CAMK2D: variants seen among roughly 807,000 people sequenced by gnomAD.
The protein encoded by CAMK2D is calcium/calmodulin dependent protein kinase II delta.
Under a neutral mutation model 84.0 loss-of-function variants are expected in CAMK2D, and 37 were observed. The observed-to-expected ratio is 0.44, with a 90% CI of 0.34 to 0.58. The LOEUF (loss-of-function observed/expected upper bound fraction) is 0.58. Among genes scored for constraint, CAMK2D ranks in the 20% least tolerant of loss-of-function variants. The pLI, the probability that CAMK2D is intolerant of heterozygous loss-of-function variation, is 0.02. For missense variants in CAMK2D, 448 were observed against 652.5 expected (o/e 0.69, Z 3.41); for synonymous variants, 202 against 212.5 (o/e 0.95, Z 0.43).
intron 13 of CAMK2D, among the ~76,000 whole-genome samples, chr4:113,509,247 G>C (rs766433814): frequency 6.6e-6 from 1 of 152,084 alleles, no homozygotes; most frequent in Non-Finnish European, 1.5e-5. Context: ...GTATTTTTCA[G>C]GCTATATATT....
intron 8 of CAMK2D, among the ~76,000 whole-genome samples, chr4:113,526,442 G>GCA (rs2098418326): frequency 2.6e-5 from 4 of 152,008 alleles, no homozygotes; most frequent in African/African-American, 9.7e-5. Flanking sequence ...GTGTGTGTGT[G>GCA]TGCATGCATG....
chr4:113,493,933 A>C (rs191563103), intron 16 of CAMK2D, among the ~76,000 whole-genome samples: 1 of 152,040 alleles, frequency 6.6e-6, no homozygotes, highest in Non-Finnish European at 1.5e-5. Context: ...AGTTGATCGC[A>C]TCGGCTCCTG....
At chr4:113,492,562 C>G (rs1479281183) in intron 16 of CAMK2D, among the ~76,000 whole-genome samples, 5 of 151,844 alleles carry the variant, frequency 3.3e-5, no homozygotes, top group African/African-American at 4.8e-5. Context: ...TCACTTCCAA[C>G]TATGTGGTCA....
At chr4:113,481,623 G>T (rs2097702255) in intron 16 of CAMK2D, among the ~76,000 whole-genome samples, 1 of 152,076 alleles carries the variant, frequency 6.6e-6, no homozygotes, top group South Asian at 2.1e-4. Flanking sequence ...GAGATTACAG[G>T]CATGCACCAC....
chr4:113,749,682 C>A (rs2099612789), intron 2 of CAMK2D, among the ~76,000 whole-genome samples: 1 of 151,940 alleles, frequency 6.6e-6, no homozygotes, highest in South Asian at 2.1e-4. Context: ...ACACACAGAC[C>A]ATGAAAATGT....
intron 2 of CAMK2D, among the ~76,000 whole-genome samples, chr4:113,688,910 C>CAAAAAAAAAAAAAAAAAAAAAAGAAAAA (rs2099369026): frequency 2.0e-5 from 1 of 49,716 alleles, no homozygotes; most frequent in African/African-American, 7.6e-5. Flanking sequence ...AAAGAAGATG[C>CAAAAAAAAAAAAAAAAAAAAAAGAAAAA]AAAAAAAAAA....
intron 7 of CAMK2D, among the ~76,000 whole-genome samples, chr4:113,532,673 T>C (rs984786773): frequency 3.3e-5 from 5 of 152,226 alleles, no homozygotes; most frequent in African/African-American, 4.8e-5. Flanking sequence ...TCGATGCTAA[T>C]GTCCAGATTA....
chr4:113,618,897 C>T (rs1332539709), intron 3 of CAMK2D, among the ~76,000 whole-genome samples: 5 of 152,008 alleles, frequency 3.3e-5, no homozygotes, highest in Non-Finnish European at 7.4e-5. Context: ...TCTAAGCCTT[C>T]GAGAGAACAG....
intron 3 of CAMK2D, among the ~76,000 whole-genome samples, chr4:113,644,887 T>G (rs2099145277): frequency 6.6e-6 from 1 of 152,154 alleles, no homozygotes; most frequent in African/African-American, 2.4e-5. Context: ...GTCCAAGTAA[T>G]CCACAAAGAT....
At chr4:113,641,451 ATTATG>A (rs1309224505) in intron 3 of CAMK2D, among the ~76,000 whole-genome samples, 2 of 152,212 alleles carry the variant, frequency 1.3e-5, no homozygotes, top group Non-Finnish European at 2.9e-5. Context: ...AAATAAGATA[ATTATG>A]TTAAGTGTTT....
intron 4 of CAMK2D, among the ~76,000 whole-genome samples, chr4:113,576,907 C>T (rs2098785773): frequency 6.6e-6 from 1 of 152,034 alleles, no homozygotes; most frequent in Admixed American, 6.6e-5. Flanking sequence ...GTGAAACTGC[C>T]TAGATTTATA....
chr4:113,542,706 T>C (rs2051784), intron 6 of CAMK2D, among the ~76,000 whole-genome samples: 92,184 of 150,346 alleles, frequency 0.61, 30,164 homozygotes, highest in African/African-American at 0.85. Context: ...CAGAGCGAGA[T>C]TCCGTCTCAA....
At chr4:113,685,051 G>C (rs1388899532) in intron 2 of CAMK2D, among the ~76,000 whole-genome samples, 1 of 152,084 alleles carries the variant, frequency 6.6e-6, no homozygotes, top group Non-Finnish European at 1.5e-5. Flanking sequence ...ATTCTCTTTA[G>C]TAAGGCACCT....
intron 5 of CAMK2D, among the ~76,000 whole-genome samples, chr4:113,549,921 TTGAG>T (rs1277375571): frequency 6.6e-6 from 1 of 152,218 alleles, no homozygotes; most frequent in East Asian, 1.9e-4. Context: ...CATTGTTTAT[TTGAG>T]TATTGGTCAT....
chr4:113,502,830 G>C (rs2154152095), intron 15 of CAMK2D, 106 bp downstream of exon 15: 1 of 794,796 alleles, frequency 1.3e-6, no homozygotes, highest in South Asian at 1.5e-5. Flanking sequence ...GTAGAAAATG[G>C]TTAGAATTTT....
chr4:113,689,515 C>G (rs1405776948), intron 2 of CAMK2D, among the ~76,000 whole-genome samples: 1 of 152,194 alleles, frequency 6.6e-6, no homozygotes, highest in Non-Finnish European at 1.5e-5. Context: ...TTTTATTCTA[C>G]TTTCCCTTTT....
chr4:113,631,559 T>G (rs1471221050), intron 3 of CAMK2D, among the ~76,000 whole-genome samples: 1 of 152,040 alleles, frequency 6.6e-6, no homozygotes, highest in Non-Finnish European at 1.5e-5. Context: ...CTGGAACACA[T>G]CGGCTCCTCT....
intron 8 of CAMK2D, among the ~76,000 whole-genome samples, chr4:113,526,252 T>C (rs928982993): frequency 1.3e-5 from 2 of 152,160 alleles, no homozygotes; most frequent in African/African-American, 4.8e-5. Flanking sequence ...TGGTGGCACA[T>C]ACATGCTCCA....
intron 2 of CAMK2D, among the ~76,000 whole-genome samples, chr4:113,664,984 G>T (rs1462036201): frequency 6.6e-6 from 1 of 151,984 alleles, no homozygotes; most frequent in Non-Finnish European, 1.5e-5. Flanking sequence ...TTGTATTTTT[G>T]GTAGAGATGT....
Sources: allele counts gnomAD v4.1 joint callset (sites outside exome capture counted in the v4.1 genomes callset), GRCh38; gene constraint gnomAD v4.1.1; transcripts MANE v1.5; gene names NCBI Gene and HGNC (gene_info 2026-07-23, HGNC 2026-07-21).